The following JPH3 variants were observed in gnomAD, a reference collection of about 807,000 sequenced individuals.
The protein encoded by JPH3 is junctophilin-3.
In JPH3, 11 loss-of-function variants were observed where a neutral mutation model predicts 59.6. The observed-to-expected ratio is 0.18, with a 90% CI of 0.12 to 0.31. The LOEUF (loss-of-function observed/expected upper bound fraction) is 0.31. Among genes scored for constraint, JPH3 ranks in the 10% least tolerant of loss-of-function variants. The pLI is 1.00. For synonymous variants in JPH3, 673 were observed against 483.6 expected (o/e 1.39, Z -5.14); for missense variants, 1,202 against 1,105.7 (o/e 1.09, Z -1.24).
Position 87,616,297 on chromosome 16 carries a change from G to A in JPH3, c.382+12769G>A, listed in dbSNP as rs1180609661. Among the ~76,000 whole-genome samples the A allele has an allele frequency of 4.7e-5, 7 of 149,838 alleles. No homozygotes were observed. The South Asian group carries it at 1.3e-3, about 27-fold the overall frequency. ...TGCCCAGGCGGGAGAGCAGTGGCGC[G>A]ATCTCAGCTCACTACAGGCTCCACC... On this transcript the variant is annotated intron_variant, in intron 1 of 4. Transcript: ENST00000284262.
rs750215162 is a variant in JPH3, at chr16:87,644,671, C to T, written c.796C>T (p.Leu266=). The T allele has an allele frequency of 6.2e-7, 1 of 1,611,912 alleles. No homozygotes were observed. Among genetic ancestry groups the T allele is most frequent in the Non-Finnish European group, 8.5e-7 (1 of 1,179,914 alleles). ...CAGCGACATCCACTCCACCATCAGC[C>T]TGGGCGAGGCTGAGGCCGAGCTGGC... is the stretch of plus-strand genomic sequence containing the variant. The part of the protein sequence containing the change: ...TASDIHSTIS[L]GEAEAELAVI... The change falls in exon 2 of 5, where the codon CTG becomes TTG. Residue 266 remains leucine (L), a synonymous_variant. Transcript: ENST00000284262.
chr16:87,644,137 C>G (rs142693748), intron 1 of JPH3, 121 bp from the exon 2 acceptor site: 3 of 1,122,994 alleles, frequency 2.7e-6, no homozygotes, highest in Non-Finnish European at 3.8e-6. Context: ...GAACCTGTCT[C>G]AAAAAACACA....
rs1309484496 is a variant in JPH3, at chr16:87,690,367, C to T, written c.2007C>T (p.Ser669=). The change falls in exon 4 of 5, where the codon TCC becomes TCT. Residue 669 remains serine, a synonymous_variant. Coordinates refer to ENST00000284262, the MANE Select transcript of JPH3 (RefSeq NM_020655.4). ...AQNKENFRPA[S]SAEPAVQKLA... is the part of the protein sequence containing the mutation. ...ACAAGGAGAACTTCAGGCCGGCCTC[C>T]TCCGCGGAGCCCGCCGTGCAGAAAC... is the stretch of plus-strand genomic sequence containing the variant. The T allele has an allele frequency of 1.9e-6, 3 of 1,544,088 alleles. No individual in the cohort carries two copies. The highest frequency in any genetic ancestry group is 4.1e-5 in the Admixed American group (2 of 48,778).
intron 2 of JPH3, among the ~76,000 whole-genome samples, chr16:87,673,989 T>C (rs1268925691): frequency 2.7e-5 from 4 of 150,274 alleles, no homozygotes; most frequent in Non-Finnish European, 5.9e-5. Flanking sequence ...ATAAGAAAGC[T>C]GTGTTTGCTG....
Position 87,625,722 on chromosome 16 carries a change from A to T in JPH3, c.383-18536A>T, listed in dbSNP as rs192416052. Among the ~76,000 whole-genome samples, 289 of 152,322 alleles carry T rather than the reference A, an allele frequency of 1.9e-3. 3 individuals are homozygous for T. The highest frequency in any genetic ancestry group is 6.6e-3 in the African/African-American group (276 of 41,578). On this transcript the variant is annotated intron_variant, in intron 1 of 4. Transcript: ENST00000284262. ...CCCTGTCAACACCAGTGGGTACAGC[A>T]CAGGGTTCAAGGGCTGAAGAAGTGA...
chr16:87,636,920 C>T (rs764569424), intron 1 of JPH3, among the ~76,000 whole-genome samples: 11 of 152,220 alleles, frequency 7.2e-5, no homozygotes, highest in Non-Finnish European at 1.5e-4. Context: ...GTACGCGCAG[C>T]GCAGTGGGGC....
intron 1 of JPH3, among the ~76,000 whole-genome samples, chr16:87,638,875 G>C (rs866017306): frequency 5.9e-5 from 9 of 151,904 alleles, no homozygotes; most frequent in South Asian, 2.1e-4. Context: ...GAAGAAGCAG[G>C]GATCTGCCTA....
chr16:87,622,593 C>G (rs1169357154), intron 1 of JPH3, among the ~76,000 whole-genome samples: 1 of 152,150 alleles, frequency 6.6e-6, no homozygotes, highest in African/African-American at 2.4e-5. Context: ...TTCTGCGAGG[C>G]TGTGGCTGGG....
intron 1 of JPH3, among the ~76,000 whole-genome samples, chr16:87,621,079 A>G (rs1178914369): frequency 6.6e-6 from 1 of 152,220 alleles, no homozygotes; most frequent in East Asian, 1.9e-4. Context: ...GAATTGCTTG[A>G]GCCCGGGAGG....
intron 2 of JPH3, among the ~76,000 whole-genome samples, chr16:87,658,086 A>T (rs1339380414): frequency 2.0e-5 from 3 of 152,186 alleles, no homozygotes; most frequent in Admixed American, 1.3e-4. Flanking sequence ...GGAAGGCACC[A>T]TGCGGCCCAC....
chr16:87,633,853 T>C (rs1025078113), intron 1 of JPH3, among the ~76,000 whole-genome samples: 3 of 152,132 alleles, frequency 2.0e-5, no homozygotes, highest in Admixed American at 6.5e-5. Context: ...ATGGTCTCTC[T>C]TATAGTCTTT....
At chr16:87,652,828 C>T (rs964093119) in intron 2 of JPH3, among the ~76,000 whole-genome samples, 1 of 152,260 alleles carries the variant, frequency 6.6e-6, no homozygotes, top group African/African-American at 2.4e-5. Context: ...TGAATGCAGC[C>T]TTGACTGGGC....
At chr16:87,628,671 G>A (rs990615906) in intron 1 of JPH3, among the ~76,000 whole-genome samples, 8 of 152,166 alleles carry the variant, frequency 5.3e-5, no homozygotes, top group Admixed American at 3.3e-4. Context: ...TCTCCCTCGC[G>A]GGGCTGTGCG....
At chr16:87,661,110 T>C (rs1171432410) in intron 2 of JPH3, among the ~76,000 whole-genome samples, 1 of 152,222 alleles carries the variant, frequency 6.6e-6, no homozygotes, top group East Asian at 1.9e-4. Flanking sequence ...GTTCCTTGCC[T>C]TTCCCAGCTT....
At chr16:87,642,847 A>T (rs1597255852) in intron 1 of JPH3, among the ~76,000 whole-genome samples, 1 of 152,234 alleles carries the variant, frequency 6.6e-6, no homozygotes, top group African/African-American at 2.4e-5. Context: ...AGAGCAAGAC[A>T]TGGGCCCAGG....
Position 87,696,595 on chromosome 16 carries a change from C to T in JPH3, c.2182C>T (p.Leu728=). Residue 728 remains leucine (L), a synonymous_variant, in exon 5 of 5, where the codon CTG becomes TTG. Transcript: ENST00000284262. ...LKSSTGSAPI[L]VVMVILLNIG... Reference sequence around the variant, plus strand: ...TCTCTTCCAGGGCTCAGCGCCTATCCTGGTGGTCATGGTGATCTTGCTCAA... The same window carrying T: ...TCTCTTCCAGGGCTCAGCGCCTATCTTGGTGGTCATGGTGATCTTGCTCAA... 1 of 1,613,510 alleles carries T rather than the reference C, an allele frequency of 6.2e-7. No homozygotes were observed.
At chr16:87,618,585 C>T (rs1202457420) in intron 1 of JPH3, among the ~76,000 whole-genome samples, 2 of 152,188 alleles carry the variant, frequency 1.3e-5, no homozygotes, top group Admixed American at 6.5e-5. Context: ...CTTTTTCCAC[C>T]TGGCCACACT....
intron 2 of JPH3, among the ~76,000 whole-genome samples, chr16:87,674,434 C>A (rs903221953): frequency 6.6e-6 from 1 of 152,214 alleles, no homozygotes; most frequent in Non-Finnish European, 1.5e-5. Flanking sequence ...AAAACTGGAG[C>A]CTGTCCTGTG....
chr16:87,672,495 G>A (rs531008238), intron 2 of JPH3, among the ~76,000 whole-genome samples: 3 of 152,336 alleles, frequency 2.0e-5, no homozygotes, highest in South Asian at 2.1e-4. Context: ...GCACAGAGCC[G>A]CACATGACGG....
Sources: gnomAD v4.1 joint callset for allele counts (sites outside exome capture counted in the v4.1 genomes callset) on GRCh38, gnomAD v4.1.1 for gene constraint, MANE v1.5 for transcripts, NCBI Gene and HGNC (gene_info 2026-07-23, HGNC 2026-07-21) for gene names.